ABCD3: variants seen among roughly 807,000 people sequenced by gnomAD.
ABCD3 encodes the protein ATP binding cassette subfamily D member 3.
A neutral mutation model predicts 105.5 loss-of-function variants in ABCD3; 41 were observed. The ratio of observed to expected loss-of-function variants is 0.39; its 90% CI spans 0.30 to 0.50. ABCD3 has a LOEUF of 0.50. Among genes scored for constraint, ABCD3 ranks in the 20% least tolerant of loss-of-function variants. ABCD3 has a pLI of 0.84. For synonymous variants in ABCD3, 258 were observed against 269.0 expected (o/e 0.96, Z 0.40); for missense variants, 622 against 806.3 (o/e 0.77, Z 2.77).
Position 94,480,458 on chromosome 1 carries a change from TA to T in ABCD3, c.685-4del. On this transcript the variant is annotated splice_region_variant and splice_polypyrimidine_tract_variant and intron_variant, in intron 8 of 22. Coordinates refer to ENST00000370214, the MANE Select transcript of ABCD3 (RefSeq NM_002858.4). ...TTTGTGTATCTTTCTCTCCCAATAATAATAGGGCCCAGCGAGCATGATGGCC... is the reference window on the plus strand; with the variant it reads ...TTTGTGTATCTTTCTCTCCCAATAATATAGGGCCCAGCGAGCATGATGGCC... The T allele has an allele frequency of 6.2e-7, 1 of 1,613,776 alleles. No homozygotes were observed. The highest frequency in any genetic ancestry group is 8.5e-7 in the Non-Finnish European group (1 of 1,179,782).
At chr1:94,385,160 C>T in the ABCD3 span, among the ~76,000 whole-genome samples, 1 of 152,056 alleles carries the variant, frequency 6.6e-6, no homozygotes, top group South Asian at 2.1e-4. Flanking sequence ...CTCTGAAACA[C>T]CTTGGGGAGA....
intron 1 of ABCD3, among the ~76,000 whole-genome samples, chr1:94,457,715 T>G (rs990763726): frequency 5.9e-5 from 9 of 152,148 alleles, no homozygotes; most frequent in African/African-American, 2.2e-4. Flanking sequence ...CAGAGAGCAC[T>G]CTGATGGACA....
At chr1:94,387,757 G>A in the ABCD3 span, among the ~76,000 whole-genome samples, 9 of 152,170 alleles carry the variant, frequency 5.9e-5, no homozygotes, top group African/African-American at 9.7e-5. Context: ...CTCTGAGTGC[G>A]ACAAGGGTCT....
chr1:94,468,969 T>C (rs1648308003), intron 4 of ABCD3, among the ~76,000 whole-genome samples: 1 of 152,186 alleles, frequency 6.6e-6, no homozygotes, highest in African/African-American at 2.4e-5. Context: ...CAAGTCTCCC[T>C]GAAACCTGTG....
At chr1:94,439,859 T>C (rs192417191) in intron 1 of ABCD3, among the ~76,000 whole-genome samples, 84 of 152,328 alleles carry the variant, frequency 5.5e-4, no homozygotes, top group Admixed American at 7.2e-4. Context: ...TAGCATTGGC[T>C]TCTTGTACTT....
chr1:94,512,571 T>A (rs1168082818), intron 21 of ABCD3, among the ~76,000 whole-genome samples: 1 of 152,066 alleles, frequency 6.6e-6, no homozygotes, highest in Non-Finnish European at 1.5e-5. Context: ...ATCTAAACAT[T>A]AGAGTTTTTT....
chr1:94,456,579 C>CT lies in ABCD3; in HGVS notation c.111-2016dup, dbSNP rs879362043. Among the ~76,000 whole-genome samples the CT allele has an allele frequency of 3.2e-3, 456 of 143,548 alleles. 3 individuals carry two copies. Among genetic ancestry groups the CT allele is most frequent in the African/African-American group, 0.01 (397 of 39,380 alleles). 94.2% of individuals were successfully genotyped at this position (143,548 alleles called of 152,430 possible). A position where few individuals can be genotyped will look rare whatever the true frequency, so the allele number is the denominator to read the frequency against. On this transcript the variant is annotated intron_variant, in intron 1 of 22. Coordinates refer to ENST00000370214, the MANE Select transcript of ABCD3 (RefSeq NM_002858.4). ...AGGCCTGAGCTGCCACACTTAGCTC[C>CT]TTTTTTTTTTTTAAGCTGAATTTAT...
intron 2 of ABCD3, among the ~76,000 whole-genome samples, chr1:94,463,643 CCT>C (rs545459826): frequency 7.9e-5 from 12 of 152,204 alleles, no homozygotes; most frequent in African/African-American, 2.4e-4. Flanking sequence ...AGAAGTTTCC[CCT>C]GTCCTTCCAA....
At chr1:94,463,399 T>C (rs1164483391) in intron 2 of ABCD3, among the ~76,000 whole-genome samples, 2 of 152,222 alleles carry the variant, frequency 1.3e-5, no homozygotes, top group African/African-American at 2.4e-5. Context: ...TTGGTAGTTA[T>C]TATTATTCTA....
At chr1:94,422,948 G>T (rs1255421396) in intron 1 of ABCD3, among the ~76,000 whole-genome samples, 1 of 152,068 alleles carries the variant, frequency 6.6e-6, no homozygotes, top group Non-Finnish European at 1.5e-5. Flanking sequence ...AATAGAGTTC[G>T]GATTTCTCAT....
chr1:94,420,966 A>G (rs1355262858), intron 1 of ABCD3, among the ~76,000 whole-genome samples: 3 of 152,180 alleles, frequency 2.0e-5, no homozygotes, highest in Admixed American at 6.5e-5. Flanking sequence ...GTTACAGTGT[A>G]ACATTATTCC....
upstream of ABCD3, among the ~76,000 whole-genome samples, chr1:94,417,696 C>T (rs1049316179): frequency 2.0e-5 from 3 of 152,218 alleles, no homozygotes; most frequent in African/African-American, 7.2e-5. Context: ...ACACTGAAAT[C>T]GAAATTTCTC....
At chr1:94,473,883 T>C (rs1423239430) in intron 5 of ABCD3, 48 bp downstream of exon 5, 2 of 1,453,072 alleles carry the variant, frequency 1.4e-6, no homozygotes, top group African/African-American at 2.8e-5. Context: ...AATTTGCATC[T>C]TATTAAAATC....
intron 21 of ABCD3, chr1:94,514,494 T>G (rs534300131): frequency 6.6e-6 from 1 of 151,988 alleles, no homozygotes; most frequent in South Asian, 2.1e-4. Context: ...GTATTCACAA[T>G]CTGAAATCCA....
chr1:94,436,314 A>G lies in ABCD3; in HGVS notation c.110+17726A>G, dbSNP rs1570743436. On this transcript the variant is annotated intron_variant, in intron 1 of 22. Transcript: ENST00000370214. ...AAACTGATAATCCTGATTCTCAAAG[A>G]CACAGTTGATGGTCAAATTAGAGTA... Among the ~76,000 whole-genome samples the G allele has an allele frequency of 2.6e-5, 4 of 152,336 alleles. No individual in the cohort carries two copies. The Middle Eastern group carries it at 0.01, about 389-fold the overall frequency.
At chr1:94,412,917 T>G in the ABCD3 span, among the ~76,000 whole-genome samples, 1 of 152,334 alleles carries the variant, frequency 6.6e-6, no homozygotes, top group African/African-American at 2.4e-5. Flanking sequence ...GCTCATTTTT[T>G]AAATTTAGCT....
At chr1:94,444,365 G>C (rs1023814120) in intron 1 of ABCD3, among the ~76,000 whole-genome samples, 1 of 148,704 alleles carries the variant, frequency 6.7e-6, no homozygotes, top group Middle Eastern at 3.3e-3. Context: ...GAGTCCCACT[G>C]TGTTGTCCGG....
the ABCD3 span, among the ~76,000 whole-genome samples, chr1:94,398,407 A>G: frequency 6.6e-6 from 1 of 152,234 alleles, no homozygotes; most frequent in East Asian, 1.9e-4. Context: ...CAGAATTGCT[A>G]ACGTGTATTC....
At chr1:94,486,017 C>G (rs942190337) in intron 10 of ABCD3, among the ~76,000 whole-genome samples, 11 of 152,022 alleles carry the variant, frequency 7.2e-5, no homozygotes, top group Admixed American at 1.3e-4. Context: ...CATGGCAAAA[C>G]CCCATCTCTA....
Sources: gnomAD v4.1 joint callset for allele counts (sites outside exome capture counted in the v4.1 genomes callset) on GRCh38, gnomAD v4.1.1 for gene constraint, MANE v1.5 for transcripts, NCBI Gene and HGNC (gene_info 2026-07-23, HGNC 2026-07-21) for gene names.